SPATA17: variants seen among roughly 807,000 people sequenced by gnomAD.
The protein encoded by SPATA17 is spermatogenesis associated 17.
Under a neutral mutation model 62.2 loss-of-function variants are expected in SPATA17, and 53 were observed. The observed-to-expected ratio is 0.85, with a 90% CI of 0.68 to 1.07. SPATA17 has a LOEUF of 1.07. Among genes scored for constraint, SPATA17 ranks in the 50% least tolerant of loss-of-function variants. The pLI is 0.00. For synonymous variants in SPATA17, 146 were observed against 146.8 expected, an observed-to-expected ratio of 0.99 and a Z score of 0.04; for missense variants, 466 against 425.5, an observed-to-expected ratio of 1.10 and a Z score of -0.84.
At chr1:217,683,174 ATAATTACCT>A (rs1157995481) in intron 4 of SPATA17, 75 bp from the exon 5 acceptor site, 1 of 908,990 alleles carries the variant, frequency 1.1e-6, no homozygotes, top group African/African-American at 1.7e-5. Context: ...GTTATCAGCC[ATAATTACCT>A]TAATTTTGAA....
At chr1:217,705,802 G>A (rs1671720588) in intron 5 of SPATA17, among the ~76,000 whole-genome samples, 1 of 152,190 alleles carries the variant, frequency 6.6e-6, no homozygotes, top group African/African-American at 2.4e-5. Context: ...AACTTTGCCA[G>A]CATCTTATCC....
intron 8 of SPATA17, among the ~76,000 whole-genome samples, chr1:217,791,397 A>T (rs1321842453): frequency 1.3e-5 from 2 of 152,222 alleles, no homozygotes; most frequent in African/African-American, 4.8e-5. Context: ...CTGGGGATAT[A>T]GATAATAAGC....
At chr1:217,820,643 A>C (rs561662566) in intron 9 of SPATA17, among the ~76,000 whole-genome samples, 1 of 152,112 alleles carries the variant, frequency 6.6e-6, no homozygotes, top group Non-Finnish European at 1.5e-5. Flanking sequence ...TTTGAGTTTG[A>C]AATGACTTTA....
intron 5 of SPATA17, among the ~76,000 whole-genome samples, chr1:217,731,699 T>G (rs1672405345): frequency 6.6e-6 from 1 of 152,136 alleles, no homozygotes; most frequent in Admixed American, 6.6e-5. Context: ...GGATTACATT[T>G]TAGAGTATAT....
At chr1:217,805,329 T>C (rs530357451) in intron 9 of SPATA17, among the ~76,000 whole-genome samples, 33 of 152,138 alleles carry the variant, frequency 2.2e-4, no homozygotes, top group African/African-American at 7.9e-4. Context: ...CTGAAAAAAA[T>C]CAAACTCAGA....
intron 9 of SPATA17, among the ~76,000 whole-genome samples, chr1:217,826,764 A>G (rs1278339489): frequency 1.3e-5 from 2 of 152,112 alleles, no homozygotes; most frequent in Non-Finnish European, 2.9e-5. Flanking sequence ...AAAACATAAT[A>G]ATTATGAAAT....
At chr1:217,807,173 G>A (rs984031173) in intron 9 of SPATA17, among the ~76,000 whole-genome samples, 2 of 146,652 alleles carry the variant, frequency 1.4e-5, no homozygotes, top group Non-Finnish European at 3.0e-5. Context: ...AATACTGCAT[G>A]TTCTGACTTA....
At chr1:217,847,302 A>G (rs1010097441) in intron 9 of SPATA17, among the ~76,000 whole-genome samples, 1 of 152,112 alleles carries the variant, frequency 6.6e-6, no homozygotes, top group African/African-American at 2.4e-5. Flanking sequence ...GAATGGTAAT[A>G]ACATATAGAC....
At chr1:217,826,532 G>T (rs1675005652) in intron 9 of SPATA17, among the ~76,000 whole-genome samples, 1 of 151,808 alleles carries the variant, frequency 6.6e-6, no homozygotes, top group South Asian at 2.1e-4. Flanking sequence ...CTTTATTTCT[G>T]ATATTTATAT....
intron 8 of SPATA17, 84 bp from the exon 9 acceptor site, chr1:217,801,634 T>C (rs1189983076): frequency 1.7e-6 from 2 of 1,160,212 alleles, no homozygotes; most frequent in African/African-American, 3.1e-5. Context: ...TTCACTGTAC[T>C]ATAGTACTTC....
intron 10 of SPATA17, among the ~76,000 whole-genome samples, chr1:217,866,288 C>A (rs1676008913): frequency 6.6e-6 from 1 of 152,092 alleles, no homozygotes; most frequent in Non-Finnish European, 1.5e-5. Flanking sequence ...CTTCAGCATC[C>A]TTCTCTTGGT....
In SPATA17 at chr1:217,775,716, A is replaced by AATCT. The variant is rs1279624527; in HGVS notation, c.723+1194_723+1197dup. On this transcript the variant is annotated intron_variant, in intron 7 of 10. Coordinates refer to ENST00000366933, the MANE Select transcript of SPATA17 (RefSeq NM_138796.4). ...ATATATATATATAGAGAGAGTCTAT[A>AATCT]ATCTATCTATCTATCTATATATATA... Among the ~76,000 whole-genome samples the AATCT allele has an allele frequency of 3.5e-4, 53 of 152,074 alleles. 1 individual carries two copies. The highest frequency in any genetic ancestry group is 3.4e-3 in the Middle Eastern group (1 of 292).
intron 4 of SPATA17, among the ~76,000 whole-genome samples, chr1:217,678,029 C>T (rs1670992366): frequency 6.6e-6 from 1 of 151,858 alleles, no homozygotes; most frequent in Admixed American, 6.6e-5. Flanking sequence ...ATTTAGTAAA[C>T]CCACATTTCT....
rs1671947179 is a variant in SPATA17, at chr1:217,714,351, T to A, written c.396-27624T>A. On this transcript the variant is annotated intron_variant, in intron 5 of 10. Transcript: ENST00000366933. Reference sequence around the variant, plus strand: ...TTGCAGTGAGCCGAGAATGTGCTAGTGCACTCCAGCCTGGGCAACAAGAGT... The same window carrying A: ...TTGCAGTGAGCCGAGAATGTGCTAGAGCACTCCAGCCTGGGCAACAAGAGT... 2.0e-5 allele frequency among the ~76,000 whole-genome samples: 3 copies of A among 151,994 alleles called. No individual in the cohort carries two copies. The Middle Eastern group carries it at 0.01, about 517-fold the overall frequency.
At chr1:217,748,432 G>A (rs1672819941) in intron 6 of SPATA17, among the ~76,000 whole-genome samples, 1 of 151,260 alleles carries the variant, frequency 6.6e-6, no homozygotes, top group South Asian at 2.1e-4. Flanking sequence ...AATCTTATAA[G>A]GTGAAAAATA....
chr1:217,803,573 A>C (rs958277475), intron 9 of SPATA17, among the ~76,000 whole-genome samples: 1 of 152,202 alleles, frequency 6.6e-6, no homozygotes. Context: ...TGATGATATA[A>C]ATTAAAGAAG....
In SPATA17 at chr1:217,845,610, G is replaced by A. The variant is rs1025711973; in HGVS notation, c.1006-17164G>A. Among the ~76,000 whole-genome samples the A allele has an allele frequency of 1.3e-4, 20 of 151,876 alleles. No homozygotes were observed. In the East Asian group the frequency reaches 2.5e-3, roughly 19 times the overall value. On this transcript the variant is annotated intron_variant, in intron 9 of 10. Transcript: ENST00000366933. The stretch of plus-strand genomic sequence containing the variant: ...CTCAGCAATTTTATGTTTTTCATTC[G>A]TTACCCTGAACTTTCTTGAAGAGAT...
intron 8 of SPATA17, among the ~76,000 whole-genome samples, chr1:217,784,088 G>A (rs1673797209): frequency 6.6e-6 from 1 of 151,710 alleles, no homozygotes; most frequent in Admixed American, 6.6e-5. Flanking sequence ...TTGAAACACT[G>A]ATTTTTTTTC....
chr1:217,842,600 T>C (rs1675435100), intron 9 of SPATA17, among the ~76,000 whole-genome samples: 1 of 152,002 alleles, frequency 6.6e-6, no homozygotes, highest in Non-Finnish European at 1.5e-5. Flanking sequence ...TATATATTAA[T>C]ATTTAATTCG....
Sources: gnomAD v4.1 joint callset for allele counts (sites outside exome capture counted in the v4.1 genomes callset) on GRCh38, gnomAD v4.1.1 for gene constraint, MANE v1.5 for transcripts, NCBI Gene and HGNC (gene_info 2026-07-23, HGNC 2026-07-21) for gene names.